The following CDH18 variants were observed in gnomAD, a reference collection of about 807,000 sequenced individuals.
CDH18 encodes the protein cadherin 18.
CDH18 carries 31 observed loss-of-function variants against 67.9 expected under a neutral mutation model. That is an observed-to-expected ratio of 0.46 (90% CI 0.34 to 0.62). The LOEUF is 0.62. CDH18 is among the 20% of genes least tolerant of loss of function. CDH18 has a pLI of 0.01. For missense variants in CDH18, 890 were observed against 975.5 expected (o/e 0.91, Z 1.17); for synonymous variants, 362 against 347.2 (o/e 1.04, Z -0.48).
chr5:20,144,783 A>C (rs943983354), intron 2 of CDH18, among the ~76,000 whole-genome samples: 1 of 152,188 alleles, frequency 6.6e-6, no homozygotes, highest in East Asian at 1.9e-4. Flanking sequence ...TTAGAGAAGT[A>C]ATCCAGTTAA....
chr5:20,080,482 A>G (rs1744357020), intron 2 of CDH18, among the ~76,000 whole-genome samples: 4 of 152,206 alleles, frequency 2.6e-5, no homozygotes, highest in Admixed American at 2.6e-4. Flanking sequence ...GTGAAGGAAC[A>G]GCTTACAGAT....
At chr5:20,137,592 G>A (rs993198405) in intron 2 of CDH18, among the ~76,000 whole-genome samples, 13 of 152,020 alleles carry the variant, frequency 8.6e-5, no homozygotes, top group African/African-American at 2.2e-4. Flanking sequence ...CTGTGAACTC[G>A]TCAAAGTCAT....
intron 5 of CDH18, among the ~76,000 whole-genome samples, chr5:19,631,160 C>G (rs1309721111): frequency 6.6e-6 from 1 of 151,626 alleles, no homozygotes; most frequent in Non-Finnish European, 1.5e-5. Flanking sequence ...AGAGATAATT[C>G]TAAAGGGAAT....
At chr5:20,321,949 A>G (rs578201340) in intron 1 of CDH18, among the ~76,000 whole-genome samples, 37 of 152,218 alleles carry the variant, frequency 2.4e-4, no homozygotes, top group African/African-American at 8.9e-4. Flanking sequence ...ACTTTTTCAT[A>G]TATTTATCTT....
intron 2 of CDH18, among the ~76,000 whole-genome samples, chr5:19,925,785 C>T (rs1252151479): frequency 1.3e-5 from 2 of 152,120 alleles, no homozygotes; most frequent in Non-Finnish European, 2.9e-5. Flanking sequence ...GACAATTGAG[C>T]TCACTGAAAT....
chr5:20,530,140 T>C (rs548853418), intron 1 of CDH18, among the ~76,000 whole-genome samples: 1 of 151,976 alleles, frequency 6.6e-6, no homozygotes, highest in African/African-American at 2.4e-5. Context: ...CATTCACAGT[T>C]GCCACAAAGA....
At chr5:20,194,699 T>A (rs1295524661) in intron 2 of CDH18, among the ~76,000 whole-genome samples, 1 of 151,956 alleles carries the variant, frequency 6.6e-6, no homozygotes, top group Non-Finnish European at 1.5e-5. Flanking sequence ...CTTGACCATC[T>A]AGATGTAAGG....
chr5:20,557,109 G>C (rs1757947654), intron 1 of CDH18, among the ~76,000 whole-genome samples: 1 of 152,096 alleles, frequency 6.6e-6, no homozygotes, highest in East Asian at 1.9e-4. Context: ...ATGTTCATAT[G>C]TCTGATAGTA....
chr5:20,423,139 C>T (rs962371279), intron 1 of CDH18, among the ~76,000 whole-genome samples: 7 of 151,330 alleles, frequency 4.6e-5, no homozygotes, highest in African/African-American at 1.7e-4. Flanking sequence ...GCACTGCGCG[C>T]TGGAACCTTT....
chr5:19,825,504 G>C (rs761528840), intron 3 of CDH18, among the ~76,000 whole-genome samples: 1 of 152,054 alleles, frequency 6.6e-6, no homozygotes, highest in Non-Finnish European at 1.5e-5. Flanking sequence ...GCAGATTAGG[G>C]CTGACACCGC....
At chr5:19,984,502 A>C (rs191669084) in intron 1 of CDH18, among the ~76,000 whole-genome samples, 1 of 152,310 alleles carries the variant, frequency 6.6e-6, no homozygotes, top group Admixed American at 6.5e-5. Flanking sequence ...ATCCATGAAA[A>C]TAATATAGCA....
At chr5:19,700,654 C>T (rs187275444) in intron 5 of CDH18, among the ~76,000 whole-genome samples, 22 of 152,230 alleles carry the variant, frequency 1.4e-4, no homozygotes, top group Admixed American at 1.2e-3. Flanking sequence ...ATGACAGTCT[C>T]CTGTGGGTCT....
chr5:20,448,178 C>A (rs1750155572), intron 1 of CDH18, among the ~76,000 whole-genome samples: 1 of 151,768 alleles, frequency 6.6e-6, no homozygotes. Context: ...CGATAGTTTG[C>A]TGAGAATGAT....
At chr5:20,172,221 T>TACACAC (rs1338445626) in intron 2 of CDH18, among the ~76,000 whole-genome samples, 19 of 78,344 alleles carry the variant, frequency 2.4e-4, no homozygotes, top group African/African-American at 1.1e-3. Flanking sequence ...TATATATATA[T>TACACAC]ATGTATATAT....
Position 19,491,746 on chromosome 5 carries a change from A to T in CDH18, c.1631-8194T>A, listed in dbSNP as rs543964878. 2.2e-3 allele frequency among the ~76,000 whole-genome samples: 342 copies of T among 152,284 alleles called. 1 individual carries two copies. The highest frequency in any genetic ancestry group is 3.6e-3 in the Non-Finnish European group (247 of 68,004). Reference sequence around the variant, plus strand: ...TGTTTCCTTTTAAGTGTTTTGTTAAAAATTATAAAGCAACTTATAAATGTT... The same window carrying T: ...TGTTTCCTTTTAAGTGTTTTGTTAATAATTATAAAGCAACTTATAAATGTT... On this transcript the variant is annotated intron_variant, in intron 11 of 12. Coordinates refer to ENST00000382275, the MANE Select transcript of CDH18 (RefSeq NM_004934.5).
At chr5:19,630,999 C>T (rs1055778469) in intron 5 of CDH18, among the ~76,000 whole-genome samples, 2 of 151,748 alleles carry the variant, frequency 1.3e-5, no homozygotes, top group Non-Finnish European at 2.9e-5. Flanking sequence ...TGATTTAGCA[C>T]CTTTCACTGC....
intron 2 of CDH18, among the ~76,000 whole-genome samples, chr5:19,933,979 G>T (rs556050986): frequency 6.6e-6 from 1 of 151,336 alleles, no homozygotes; most frequent in Non-Finnish European, 1.5e-5. Flanking sequence ...ACAATTCATA[G>T]CTACTTGGAT....
At chr5:19,810,948 A>T (rs1226224559) in intron 3 of CDH18, among the ~76,000 whole-genome samples, 1 of 151,478 alleles carries the variant, frequency 6.6e-6, no homozygotes, top group Admixed American at 6.6e-5. Flanking sequence ...GCTTGAACCC[A>T]GGAGGTGAAA....
intron 2 of CDH18, among the ~76,000 whole-genome samples, chr5:20,241,954 A>T (rs917520564): frequency 6.7e-5 from 10 of 149,468 alleles, no homozygotes; most frequent in Non-Finnish European, 1.5e-4. Context: ...TTTGCAGCTA[A>T]ATCTGATTTC....
Sources: allele counts gnomAD v4.1 joint callset (sites outside exome capture counted in the v4.1 genomes callset), GRCh38; gene constraint gnomAD v4.1.1; transcripts MANE v1.5; gene names NCBI Gene and HGNC (gene_info 2026-07-23, HGNC 2026-07-21).